The following RYR2 variants were observed in gnomAD, a reference collection of about 807,000 sequenced individuals.
The protein encoded by RYR2 is ryanodine receptor 2, also known as cardiac muscle ryanodine receptor-calcium release channel.
RYR2 carries 227 observed loss-of-function variants against 601.1 expected under a neutral mutation model. The ratio of observed to expected loss-of-function variants is 0.38; its 90% confidence interval spans 0.34 to 0.42. RYR2 has a LOEUF of 0.42. Ranked by LOEUF, RYR2 falls within the 10% of genes least tolerant of loss-of-function variation. The probability of loss-of-function intolerance (pLI) is 1.00; values close to 1 mark genes in which losing one functional copy is unlikely to be tolerated. For synonymous variants in RYR2, 2,223 were observed against 2,175.1 expected (o/e 1.02, Z -0.61); for missense variants, 4,646 against 6,156.5 (o/e 0.75, Z 8.21).
intron 1 of RYR2, among the ~76,000 whole-genome samples, chr1:237,059,825 T>C (rs1475659986): frequency 6.6e-6 from 1 of 152,240 alleles, no homozygotes; most frequent in Non-Finnish European, 1.5e-5. Context: ...ACTATGAATG[T>C]ATTGGATGGA....
chr1:237,324,463 T>G (rs1695953213), intron 2 of RYR2, among the ~76,000 whole-genome samples: 1 of 152,164 alleles, frequency 6.6e-6, no homozygotes, highest in Non-Finnish European at 1.5e-5. Flanking sequence ...TCAGACCATC[T>G]GCTCTGTTTT....
chr1:237,421,255 TA>T (rs1705543355), intron 11 of RYR2, among the ~76,000 whole-genome samples: 2 of 151,458 alleles, frequency 1.3e-5, no homozygotes, highest in South Asian at 4.1e-4. Flanking sequence ...AAAATAATAG[TA>T]ATAATAATAA....
intron 16 of RYR2, among the ~76,000 whole-genome samples, chr1:237,466,093 T>A (rs1660057519): frequency 6.6e-6 from 1 of 152,334 alleles, no homozygotes; most frequent in South Asian, 2.1e-4. Context: ...TCTATATATC[T>A]ATGTATCTAT....
intron 2 of RYR2, among the ~76,000 whole-genome samples, chr1:237,315,190 T>TTAAC (rs1384397242): frequency 6.6e-6 from 1 of 152,294 alleles, no homozygotes; most frequent in Admixed American, 6.5e-5. Flanking sequence ...AAGCCATCCC[T>TTAAC]TAACTCCAAG....
intron 71 of RYR2, among the ~76,000 whole-genome samples, chr1:237,716,965 G>A (rs971399276): frequency 3.3e-5 from 5 of 151,912 alleles, no homozygotes; most frequent in Admixed American, 6.6e-5. Context: ...TAAAAATTAC[G>A]TGGGAATGCA....
chr1:237,272,098 C>G (rs1689748228), intron 2 of RYR2, among the ~76,000 whole-genome samples: 1 of 152,036 alleles, frequency 6.6e-6, no homozygotes, highest in African/African-American at 2.4e-5. Flanking sequence ...CCACTGCACT[C>G]CAGCCTGGGT....
intron 76 of RYR2, among the ~76,000 whole-genome samples, chr1:237,727,685 A>G (rs1386074817): frequency 6.6e-6 from 1 of 152,142 alleles, no homozygotes; most frequent in Non-Finnish European, 1.5e-5. Flanking sequence ...TAGTAGGTTT[A>G]TGTCATGATA....
intron 24 of RYR2, among the ~76,000 whole-genome samples, chr1:237,523,898 T>TA (rs35762499): frequency 0.5 from 75,771 of 152,000 alleles, 19,085 homozygotes; most frequent in East Asian, 0.58. Flanking sequence ...CTATAATTTT[T>TA]GACAGACATA....
At chr1:237,369,882 G>A (rs1700502026) in intron 6 of RYR2, among the ~76,000 whole-genome samples, 1 of 152,136 alleles carries the variant, frequency 6.6e-6, no homozygotes, top group African/African-American at 2.4e-5. Flanking sequence ...AGGTGTAAGA[G>A]TCAAATAAGA....
At chr1:237,617,029 C>T (rs1678552232) in intron 37 of RYR2, among the ~76,000 whole-genome samples, 1 of 152,118 alleles carries the variant, frequency 6.6e-6, no homozygotes. Flanking sequence ...TATTACAATT[C>T]AAGGTGAGAT....
chr1:237,237,804 C>T (rs533572828), intron 1 of RYR2, among the ~76,000 whole-genome samples: 2 of 152,166 alleles, frequency 1.3e-5, no homozygotes, highest in South Asian at 4.2e-4. Context: ...GAGACATTTA[C>T]CATCTGTTAT....
At chr1:237,455,834 A>G (rs1658744219) in intron 15 of RYR2, among the ~76,000 whole-genome samples, 1 of 152,230 alleles carries the variant, frequency 6.6e-6, no homozygotes, top group South Asian at 2.1e-4. Flanking sequence ...GCTTTCACAT[A>G]TGCCAAATTG....
At chr1:237,224,575 A>G (rs750914640) in intron 1 of RYR2, among the ~76,000 whole-genome samples, 1 of 152,168 alleles carries the variant, frequency 6.6e-6, no homozygotes, top group Non-Finnish European at 1.5e-5. Flanking sequence ...TATGACTTAC[A>G]GGCTGGGCAC....
chr1:237,549,918 T>C (rs1572834094), intron 26 of RYR2, among the ~76,000 whole-genome samples: 1 of 152,194 alleles, frequency 6.6e-6, no homozygotes, highest in Non-Finnish European at 1.5e-5. Flanking sequence ...TAAGATAGCC[T>C]GTTCACTCTC....
At chr1:237,436,453 C>CATTTTTTTTTTTTTTTTTTT (rs1491092540) in intron 12 of RYR2, among the ~76,000 whole-genome samples, 3 of 55,826 alleles carry the variant, frequency 5.4e-5, no homozygotes, top group Non-Finnish European at 9.4e-5. Context: ...GTGTGATTTT[C>CATTTTTTTTTTTTTTTTTTT]CTTTTTTTTT....
At chr1:237,639,969 G>A (rs866811868) in intron 46 of RYR2, among the ~76,000 whole-genome samples, 18 of 151,912 alleles carry the variant, frequency 1.2e-4, no homozygotes, top group Admixed American at 6.6e-5. Flanking sequence ...CACCATAGCC[G>A]GATTTGCAGA....
intron 48 of RYR2, among the ~76,000 whole-genome samples, chr1:237,647,300 A>G (rs993411141): frequency 7.9e-5 from 12 of 152,208 alleles, no homozygotes; most frequent in African/African-American, 2.7e-4. Flanking sequence ...TCATTGAATA[A>G]GAGTCATGAT....
chr1:237,761,181 C>T lies in RYR2; in HGVS notation c.11476+153C>T, dbSNP rs115293358. Among the ~76,000 whole-genome samples the T allele has an allele frequency of 3.8e-3, 581 of 152,222 alleles. 2 individuals are homozygous for T. The highest frequency in any genetic ancestry group is 0.013 in the African/African-American group (546 of 41,520). On this transcript the variant is annotated intron_variant, in intron 84 of 104. Coordinates refer to ENST00000366574, the MANE Select transcript of RYR2 (RefSeq NM_001035.3). ...CATTTCAAAGTTCATAGTTGGACAC[C>T]GGTCACACCCTAAAACCAACCTTCC... is the stretch of plus-strand genomic sequence containing the variant.
intron 80 of RYR2, among the ~76,000 whole-genome samples, chr1:237,744,523 G>A (rs903667661): frequency 6.6e-6 from 1 of 151,950 alleles, no homozygotes; most frequent in African/African-American, 2.4e-5. Flanking sequence ...GGGCGTGGTA[G>A]TGCACGCCTG....
Sources: allele counts gnomAD v4.1 joint callset (sites outside exome capture counted in the v4.1 genomes callset), GRCh38; gene constraint gnomAD v4.1.1; transcripts MANE v1.5; gene names NCBI Gene and HGNC (gene_info 2026-07-23, HGNC 2026-07-21).